TCF7L1: variants seen among roughly 807,000 people sequenced by gnomAD.
TCF7L1 encodes transcription factor 7-like 1.
TCF7L1 carries 18 observed loss-of-function variants against 63.7 expected under a neutral mutation model. The observed-to-expected ratio is 0.28, with a 90% CI of 0.20 to 0.42. The LOEUF is 0.42. Among genes scored for constraint, TCF7L1 ranks in the 10% least tolerant of loss-of-function variants. TCF7L1 has a pLI of 1.00. For missense variants in TCF7L1, 654 were observed against 779.3 expected (o/e 0.84, Z 1.91); for synonymous variants, 355 against 340.9 (o/e 1.04, Z -0.46).
intron 3 of TCF7L1, among the ~76,000 whole-genome samples, chr2:85,153,650 A>G (rs1413634386): frequency 1.3e-5 from 2 of 152,060 alleles, no homozygotes; most frequent in Non-Finnish European, 2.9e-5. Flanking sequence ...TAGCCTCTAT[A>G]AAATTTAATC....
chr2:85,159,595 T>C (rs1678233966), intron 3 of TCF7L1, among the ~76,000 whole-genome samples: 1 of 152,238 alleles, frequency 6.6e-6, no homozygotes, highest in East Asian at 1.9e-4. Context: ...GACCAGTGCC[T>C]GCCCTCTCCT....
chr2:85,146,349 A>G (rs1037814740), intron 3 of TCF7L1, among the ~76,000 whole-genome samples: 2 of 152,112 alleles, frequency 1.3e-5, no homozygotes, highest in Non-Finnish European at 2.9e-5. Context: ...ATTTCCCTCC[A>G]CTGAAAATTG....
intron 3 of TCF7L1, among the ~76,000 whole-genome samples, chr2:85,144,713 CTCTCTCTGTG>C (rs1490860044): frequency 7.1e-6 from 1 of 140,706 alleles, no homozygotes; most frequent in Non-Finnish European, 1.5e-5. Flanking sequence ...CTTTCTCTCT[CTCTCTCTGTG>C]TGTGTGTGTG....
In TCF7L1 at chr2:85,303,007, G is replaced by A. The variant is rs545391047; in HGVS notation, c.658+391G>A. On this transcript the variant is annotated intron_variant, in intron 5 of 11. Transcript: ENST00000282111. Reference sequence around the variant, plus strand: ...TCTAAGCAGACACAGAAGTGCAACCGTAAAGCAGTGAGGCCAAACTGGCTT... The same window carrying A: ...TCTAAGCAGACACAGAAGTGCAACCATAAAGCAGTGAGGCCAAACTGGCTT... Among the ~76,000 whole-genome samples, 131 of 152,238 alleles carry A rather than the reference G, an allele frequency of 8.6e-4. 1 individual carries two copies. The highest frequency in any genetic ancestry group is 1.3e-3 in the Non-Finnish European group (91 of 68,014).
At chr2:85,300,783 C>CTT (rs57906226) in intron 4 of TCF7L1, among the ~76,000 whole-genome samples, 6 of 143,720 alleles carry the variant, frequency 4.2e-5, no homozygotes, top group Admixed American at 7.0e-5. Flanking sequence ...TTACAAATCT[C>CTT]TTTTTTTTTT....
At chr2:85,184,868 T>G (rs980452148) in intron 3 of TCF7L1, among the ~76,000 whole-genome samples, 5 of 151,894 alleles carry the variant, frequency 3.3e-5, no homozygotes, top group Non-Finnish European at 7.3e-5. Context: ...GGCTGTCACA[T>G]GAGTGATCCC....
intron 4 of TCF7L1, among the ~76,000 whole-genome samples, chr2:85,292,013 T>A (rs1203708178): frequency 1.6e-4 from 1 of 6,434 alleles, no homozygotes; most frequent in Non-Finnish European, 2.0e-4. Context: ...TTTTTTTTTT[T>A]TTTTTTTTTT....
At chr2:85,215,779 A>C (rs945582125) in intron 3 of TCF7L1, among the ~76,000 whole-genome samples, 2 of 8,490 alleles carry the variant, frequency 2.4e-4, no homozygotes, top group East Asian at 3.3e-3. Context: ...GGGGGGGGTG[A>C]GGGGGGTGGT....
intron 3 of TCF7L1, among the ~76,000 whole-genome samples, chr2:85,260,227 C>T (rs1219448567): frequency 6.6e-6 from 1 of 152,206 alleles, no homozygotes; most frequent in Non-Finnish European, 1.5e-5. Flanking sequence ...TACAGCGAAC[C>T]AGATGCTTCT....
intron 3 of TCF7L1, among the ~76,000 whole-genome samples, chr2:85,184,721 G>A (rs1304881519): frequency 6.6e-6 from 1 of 151,848 alleles, no homozygotes; most frequent in African/African-American, 2.4e-5. Flanking sequence ...ATGCTGCTGT[G>A]CTTAGACTGA....
Position 85,309,716 on chromosome 2 carries a change from C to T in TCF7L1, c.*254C>T. The T allele has an allele frequency of 2.4e-6, 1 of 413,954 alleles. No individual in the cohort carries two copies. The highest frequency in any genetic ancestry group is 4.3e-6 in the Non-Finnish European group (1 of 234,516). The allele number at this position is 413,954 out of a possible 1,614,324, so 25.6% of individuals were successfully genotyped here. A position where few individuals can be genotyped will look rare whatever the true frequency, so the allele number is the denominator to read the frequency against. ...ACTGAAAAGTAGCGTGCTATTCGTC[C>T]TGTAGGTGCTGTGGTGGATGGACCT... On this transcript the variant is annotated 3_prime_UTR_variant, in exon 12 of 12. Transcript: ENST00000282111.
intron 3 of TCF7L1, among the ~76,000 whole-genome samples, chr2:85,266,607 G>A (rs1243149214): frequency 2.6e-5 from 4 of 152,304 alleles, no homozygotes; most frequent in South Asian, 2.1e-4. Flanking sequence ...TTTGTTTCCC[G>A]CTGGTCATTG....
At chr2:85,283,130 C>T (rs1325996907) in intron 3 of TCF7L1, among the ~76,000 whole-genome samples, 1 of 152,002 alleles carries the variant, frequency 6.6e-6, no homozygotes, top group African/African-American at 2.4e-5. Context: ...CCTTGGTCAG[C>T]CCTGCGTGTC....
intron 3 of TCF7L1, among the ~76,000 whole-genome samples, chr2:85,158,672 G>A (rs541051073): frequency 7.9e-5 from 12 of 152,276 alleles, no homozygotes; most frequent in South Asian, 4.1e-4. Context: ...ATTTTCTATC[G>A]TGGACATATC....
At chr2:85,149,821 G>A (rs775481683) in intron 3 of TCF7L1, among the ~76,000 whole-genome samples, 5 of 152,146 alleles carry the variant, frequency 3.3e-5, no homozygotes, top group Non-Finnish European at 7.3e-5. Flanking sequence ...CACCGCGCCC[G>A]GCTCTGTAAC....
At position 85,202,935 on chromosome 2, in the gene TCF7L1, G is replaced by A. The variant is rs1235917507; in HGVS notation, c.441+68485G>A. Among the ~76,000 whole-genome samples the A allele has an allele frequency of 3.3e-5, 5 of 152,104 alleles. No individual in the cohort carries two copies. The East Asian group carries it at 5.8e-4, about 18-fold the overall frequency. On this transcript the variant is annotated intron_variant, in intron 3 of 11. Coordinates refer to ENST00000282111, the MANE Select transcript of TCF7L1 (RefSeq NM_031283.3). ...TGCAAGCTCCACCTCCTGGGTTCAC[G>A]CCATTCTCCTGCCTCAGCCTCCCAA...
chr2:85,266,639 G>T (rs930669734), intron 3 of TCF7L1, among the ~76,000 whole-genome samples: 3 of 152,236 alleles, frequency 2.0e-5, no homozygotes, highest in African/African-American at 4.8e-5. Flanking sequence ...TTCCGGTGGG[G>T]ACTTGGGAAC....
intron 3 of TCF7L1, chr2:85,262,240 G>A (rs1273630297): frequency 3.6e-6 from 2 of 550,380 alleles, no homozygotes; most frequent in Admixed American, 1.9e-5. Flanking sequence ...GATCTATTTT[G>A]TAAGTATCTG....
intron 3 of TCF7L1, among the ~76,000 whole-genome samples, chr2:85,197,254 T>C (rs879014211): frequency 6.6e-6 from 1 of 152,124 alleles, no homozygotes; most frequent in Non-Finnish European, 1.5e-5. Context: ...GTACTAAAAA[T>C]ACAAAAATTA....
Sources: gnomAD v4.1 joint callset for allele counts (sites outside exome capture counted in the v4.1 genomes callset) on GRCh38, gnomAD v4.1.1 for gene constraint, MANE v1.5 for transcripts, NCBI Gene and HGNC (gene_info 2026-07-23, HGNC 2026-07-21) for gene names.